The following DOK6 variants were observed in gnomAD, a reference collection of about 807,000 sequenced individuals.
DOK6 encodes the protein docking protein 6.
Under a neutral mutation model 44.0 loss-of-function variants are expected in DOK6, and 22 were observed. That is an observed-to-expected ratio of 0.50 (90% CI 0.36 to 0.71). The LOEUF is 0.71. Ranked by LOEUF, DOK6 falls within the 30% of genes least tolerant of loss-of-function variation. The pLI, the probability that DOK6 is intolerant of heterozygous loss-of-function variation, is 0.00. For missense variants in DOK6, 340 were observed against 416.4 expected, an observed-to-expected ratio of 0.82 and a Z score of 1.60; for synonymous variants, 166 against 145.5, an observed-to-expected ratio of 1.14 and a Z score of -1.01.
chr18:69,522,295 G>A (rs1367360360), intron 1 of DOK6, among the ~76,000 whole-genome samples: 1 of 151,846 alleles, frequency 6.6e-6, no homozygotes, highest in Non-Finnish European at 1.5e-5. Flanking sequence ...TGGCTGAAGG[G>A]ATCAGTACTT....
At chr18:69,563,718 G>A (rs1242478945) in intron 1 of DOK6, among the ~76,000 whole-genome samples, 2 of 151,568 alleles carry the variant, frequency 1.3e-5, no homozygotes, top group Non-Finnish European at 2.9e-5. Flanking sequence ...GAGTTAATGG[G>A]TGCAGCACAC....
At chr18:69,772,009 A>T (rs892694281) in intron 7 of DOK6, among the ~76,000 whole-genome samples, 1 of 89,856 alleles carries the variant, frequency 1.1e-5, no homozygotes, top group Non-Finnish European at 2.1e-5. Context: ...AGACCTCAGT[A>T]AAAAAAAAAA....
chr18:69,768,634 CAG>C lies in DOK6; in HGVS notation c.856+10765_856+10766del, dbSNP rs199789936. ...CCTCTGCGGGCCAAGCAGAATACGGCAGAGACTTGATAATGATTGAAAGATAA... is the reference window on the plus strand; with the variant it reads ...CCTCTGCGGGCCAAGCAGAATACGGCAGACTTGATAATGATTGAAAGATAA... On this transcript the variant is annotated intron_variant, in intron 7 of 7. Transcript: ENST00000382713. Among the ~76,000 whole-genome samples the C allele has an allele frequency of 5.0e-3, 738 of 149,068 alleles. 4 individuals carry two copies. Among genetic ancestry groups the C allele is most frequent in the African/African-American group, 0.016 (660 of 40,420 alleles).
chr18:69,812,889 G>T (rs1055776888), intron 7 of DOK6, among the ~76,000 whole-genome samples: 24 of 151,994 alleles, frequency 1.6e-4, no homozygotes, highest in African/African-American at 5.6e-4. Context: ...GGGGGAGAAT[G>T]CCCCCACGAT....
At chr18:69,742,606 T>C (rs1211710584) in intron 6 of DOK6, among the ~76,000 whole-genome samples, 1 of 152,120 alleles carries the variant, frequency 6.6e-6, no homozygotes, top group African/African-American at 2.4e-5. Flanking sequence ...GGAGAGGTTA[T>C]TGGTTTATTA....
intron 7 of DOK6, among the ~76,000 whole-genome samples, chr18:69,759,598 G>A (rs1979476502): frequency 6.6e-6 from 1 of 152,124 alleles, no homozygotes; most frequent in South Asian, 2.1e-4. Context: ...TGAAGACAGA[G>A]CTAAGATTTA....
chr18:69,590,028 C>A (rs1983589572), intron 2 of DOK6, among the ~76,000 whole-genome samples: 1 of 152,008 alleles, frequency 6.6e-6, no homozygotes, highest in South Asian at 2.1e-4. Context: ...ACAGCATATA[C>A]CCTAAGAGAA....
chr18:69,793,887 GATATTAAA>G (rs1232586686), intron 7 of DOK6, among the ~76,000 whole-genome samples: 1 of 151,894 alleles, frequency 6.6e-6, no homozygotes, highest in Non-Finnish European at 1.5e-5. Flanking sequence ...AGCCCAATGG[GATATTAAA>G]GTAAAAGCCA....
chr18:69,428,739 C>T (rs996796046), intron 1 of DOK6, among the ~76,000 whole-genome samples: 1 of 152,152 alleles, frequency 6.6e-6, no homozygotes, highest in African/African-American at 2.4e-5. Flanking sequence ...TTTCCAACAA[C>T]CTCTCTATTC....
chr18:69,469,485 T>C (rs1213815910), intron 1 of DOK6: 1 of 152,882 alleles, frequency 6.5e-6, no homozygotes, highest in Non-Finnish European at 1.5e-5. Context: ...TCGTATGATC[T>C]ATAACCTTCG....
chr18:69,676,079 T>A (rs1028579348), intron 3 of DOK6, among the ~76,000 whole-genome samples: 4 of 152,232 alleles, frequency 2.6e-5, no homozygotes, highest in African/African-American at 9.6e-5. Flanking sequence ...TCCACTCAAG[T>A]GAGGGAACCA....
intron 3 of DOK6, among the ~76,000 whole-genome samples, chr18:69,601,644 G>C (rs9965073): frequency 0.95 from 145,004 of 152,250 alleles, 69,454 homozygotes; most frequent in East Asian, 1. Flanking sequence ...ATTCTCCCTG[G>C]TGCGTTGGCT....
intron 7 of DOK6, among the ~76,000 whole-genome samples, chr18:69,836,472 G>T (rs1982057304): frequency 6.6e-6 from 1 of 151,936 alleles, no homozygotes; most frequent in Non-Finnish European, 1.5e-5. Flanking sequence ...CTTGAACTAT[G>T]AGATAAATGT....
intron 1 of DOK6, among the ~76,000 whole-genome samples, chr18:69,421,158 CA>C (rs1457879686): frequency 3.4e-4 from 52 of 152,236 alleles, no homozygotes; most frequent in African/African-American, 1.2e-3. Flanking sequence ...CTATATGCAG[CA>C]GTATGATTCT....
At chr18:69,559,374 A>G (rs994121127) in intron 1 of DOK6, among the ~76,000 whole-genome samples, 3 of 152,116 alleles carry the variant, frequency 2.0e-5, no homozygotes, top group African/African-American at 7.2e-5. Flanking sequence ...AGGGGAAAGC[A>G]TTGTTCTGTA....
chr18:69,827,968 T>G (rs1045153979), intron 7 of DOK6, among the ~76,000 whole-genome samples: 9 of 151,952 alleles, frequency 5.9e-5, no homozygotes, highest in Admixed American at 5.2e-4. Flanking sequence ...ATTCTTGTTA[T>G]TGATTTGTAG....
intron 7 of DOK6, among the ~76,000 whole-genome samples, chr18:69,807,830 C>CT (rs1052843892): frequency 4.0e-5 from 6 of 151,424 alleles, no homozygotes; most frequent in African/African-American, 1.2e-4. Context: ...GAGATAGACT[C>CT]TAAAACAATA....
intron 5 of DOK6, among the ~76,000 whole-genome samples, chr18:69,709,455 C>CT (rs1264395293): frequency 1.3e-5 from 2 of 152,078 alleles, no homozygotes; most frequent in African/African-American, 4.8e-5. Flanking sequence ...AAGTCATCTA[C>CT]TTTTGTTGGG....
chr18:69,459,187 TTGTGTGTG>T (rs71176967), intron 1 of DOK6, among the ~76,000 whole-genome samples: 39,396 of 136,786 alleles, frequency 0.29, 6,295 homozygotes, highest in South Asian at 0.38. Context: ...AAAAAATATT[TTGTGTGTG>T]TGTGTGTGTG....
Sources: allele counts gnomAD v4.1 joint callset (sites outside exome capture counted in the v4.1 genomes callset), GRCh38; gene constraint gnomAD v4.1.1; transcripts MANE v1.5; gene names NCBI Gene and HGNC (gene_info 2026-07-23, HGNC 2026-07-21).